Variants in ST3GAL2 observed in about 807,000 individuals in gnomAD.
ST3GAL2 encodes the protein ST3 beta-galactoside alpha-2,3-sialyltransferase 2.
ST3GAL2 carries 16 observed loss-of-function variants against 37.5 expected under a neutral mutation model. The observed-to-expected ratio is 0.43, with a 90% CI of 0.29 to 0.65. The LOEUF (loss-of-function observed/expected upper bound fraction) is 0.65. Ranked by LOEUF, ST3GAL2 falls within the 30% of genes least tolerant of loss-of-function variation. ST3GAL2 has a pLI of 0.17. For synonymous variants in ST3GAL2, 238 were observed against 202.9 expected (o/e 1.17, Z -1.47); for missense variants, 383 against 487.8 (o/e 0.79, Z 2.02).
intron 1 of ST3GAL2, among the ~76,000 whole-genome samples, chr16:70,405,875 A>G (rs2047588690): frequency 6.6e-6 from 1 of 151,840 alleles, no homozygotes; most frequent in Non-Finnish European, 1.5e-5. Flanking sequence ...CCTGGCTAAC[A>G]TGGTGAAACC....
intron 1 of ST3GAL2, among the ~76,000 whole-genome samples, chr16:70,436,458 G>GAAAA (rs58205790): frequency 2.7e-5 from 3 of 112,368 alleles, no homozygotes; most frequent in African/African-American, 7.0e-5. Context: ...CTCAAAAAAA[G>GAAAA]AAAAAAAAAA....
intron 1 of ST3GAL2, chr16:70,400,781 G>A (rs951090501): frequency 2.0e-5 from 3 of 152,276 alleles, no homozygotes; most frequent in Admixed American, 6.5e-5. Flanking sequence ...AACTACCCAC[G>A]GCTCAAGGGT....
intron 6 of ST3GAL2, 129 bp from the exon 7 acceptor site, chr16:70,381,991 C>G (rs2047409433): frequency 8.4e-7 from 1 of 1,190,408 alleles, no homozygotes. Flanking sequence ...CAGGCCTGGC[C>G]TAAGGACATG....
chr16:70,384,034 C>T (rs1170132289), intron 4 of ST3GAL2, among the ~76,000 whole-genome samples: 2 of 152,048 alleles, frequency 1.3e-5, no homozygotes, highest in Admixed American at 6.6e-5. Flanking sequence ...CCAGCCACGG[C>T]CCCCGTAACC....
At chr16:70,435,112 C>A (rs1597579706) in intron 1 of ST3GAL2, among the ~76,000 whole-genome samples, 1 of 152,276 alleles carries the variant, frequency 6.6e-6, no homozygotes, top group South Asian at 2.1e-4. Flanking sequence ...ACACAGCCAC[C>A]CTTTTCCAAA....
chr16:70,383,282 G>A (rs1240225765), intron 4 of ST3GAL2, 47 bp from the exon 5 acceptor site: 2 of 1,568,500 alleles, frequency 1.3e-6, no homozygotes, highest in Admixed American at 3.8e-5. Flanking sequence ...TGGGCACGGT[G>A]GCTCACACCT....
intron 1 of ST3GAL2, among the ~76,000 whole-genome samples, chr16:70,406,308 G>C (rs1469454209): frequency 6.6e-6 from 1 of 151,362 alleles, no homozygotes; most frequent in Non-Finnish European, 1.5e-5. Flanking sequence ...AGCTGTGGGT[G>C]GTGGCAGGGC....
At chr16:70,385,720 T>A (rs1208793621) in intron 4 of ST3GAL2, among the ~76,000 whole-genome samples, 1 of 148,446 alleles carries the variant, frequency 6.7e-6, no homozygotes, top group Admixed American at 6.7e-5. Flanking sequence ...TTTTTTTTTT[T>A]TGAGGCAGAG....
At chr16:70,417,880 A>G (rs1335523355) in intron 1 of ST3GAL2, among the ~76,000 whole-genome samples, 2 of 152,114 alleles carry the variant, frequency 1.3e-5, no homozygotes, top group African/African-American at 4.8e-5. Flanking sequence ...CCAGGGGGCC[A>G]TTAAACTGGA....
At chr16:70,399,656 A>T (rs1377957340) in intron 1 of ST3GAL2, 123 bp from the exon 2 acceptor site, 3 of 387,044 alleles carry the variant, frequency 7.8e-6, no homozygotes, top group Non-Finnish European at 1.4e-5. Context: ...CAGAGGGTGG[A>T]CATGACCAAG....
At position 70,395,158 on chromosome 16, in the gene ST3GAL2, G is replaced by C. The variant is rs2047507088; in HGVS notation, c.357C>G (p.Phe119Leu). 6.2e-7 allele frequency: 1 copy of C among 1,603,946 alleles called. No homozygotes were observed. The highest frequency in any genetic ancestry group is 8.5e-7 in the Non-Finnish European group (1 of 1,174,414). Reference sequence around the variant, plus strand: ...GCACCTCATTGGTGTTGTGTGACTTGAACTGGGGCTGCAGCATCTGTGGAA... The same window carrying C: ...GCACCTCATTGGTGTTGTGTGACTTCAACTGGGGCTGCAGCATCTGTGGAA... ...QRWWMMLQPQ[F>L]KSHNTNEVLE... Residue 119 changes from phenylalanine (F) to leucine (L), a missense_variant, in exon 3 of 7, where the codon TTC becomes TTG. Physicochemically the swap from Phe to Leu is conservative, Grantham distance 22 (BLOSUM62 0). This residue lies in a region of ST3GAL2 where 223 missense variants were observed against 239.1 expected (regional missense o/e 0.93). Coordinates refer to ENST00000342907, the MANE Select transcript of ST3GAL2 (RefSeq NM_006927.4).
chr16:70,383,470 G>C (rs1029938399), intron 4 of ST3GAL2, among the ~76,000 whole-genome samples: 1 of 150,902 alleles, frequency 6.6e-6, no homozygotes, highest in African/African-American at 2.4e-5. Flanking sequence ...TGTTATCCCA[G>C]CTACTTGGGA....
chr16:70,429,743 G>C (rs1188441564), intron 1 of ST3GAL2, among the ~76,000 whole-genome samples: 2 of 146,794 alleles, frequency 1.4e-5, no homozygotes, highest in African/African-American at 5.1e-5. Flanking sequence ...CCAGGTTCAA[G>C]TGATTCTCCT....
chr16:70,386,126 T>C (rs932924030), intron 4 of ST3GAL2, among the ~76,000 whole-genome samples: 1 of 152,140 alleles, frequency 6.6e-6, no homozygotes, highest in Non-Finnish European at 1.5e-5. Flanking sequence ...GTTCGAGCGA[T>C]TCTCCTGCCT....
chr16:70,407,809 G>C (rs573419870), intron 1 of ST3GAL2, among the ~76,000 whole-genome samples: 46 of 152,296 alleles, frequency 3.0e-4, no homozygotes, highest in Admixed American at 1.2e-3. Context: ...GCCAATTCTC[G>C]GTCAGATCCC....
intron 1 of ST3GAL2, among the ~76,000 whole-genome samples, chr16:70,429,053 G>C (rs371912630): frequency 6.6e-6 from 1 of 152,226 alleles, no homozygotes; most frequent in East Asian, 1.9e-4. Flanking sequence ...AGTTGGAAGT[G>C]GGGGTGAGGA....
intron 1 of ST3GAL2, among the ~76,000 whole-genome samples, chr16:70,411,359 G>A (rs1597569256): frequency 6.6e-6 from 1 of 151,458 alleles, no homozygotes; most frequent in South Asian, 2.1e-4. Context: ...CTTCCAGCCT[G>A]GATGACAGTG....
chr16:70,382,932 G>A lies in ST3GAL2; in HGVS notation c.760-8C>T, dbSNP rs752306876. 212 of 1,612,208 alleles carry A rather than the reference G, an allele frequency of 1.3e-4. 1 individual carries two copies. Among genetic ancestry groups the A allele is most frequent in the Non-Finnish European group, 1.7e-4 (203 of 1,179,170 alleles). On this transcript the variant is annotated splice_polypyrimidine_tract_variant and splice_region_variant and intron_variant, in intron 5 of 6. Coordinates refer to ENST00000342907, the MANE Select transcript of ST3GAL2 (RefSeq NM_006927.4). ...TGGGTTGTAGATCTGGACCTGGGAG[G>A]AGAAGGGATGACAGGTATATGAGGG...
intron 1 of ST3GAL2, among the ~76,000 whole-genome samples, chr16:70,431,094 C>A (rs1016196065): frequency 4.0e-4 from 11 of 27,422 alleles, no homozygotes; most frequent in Admixed American, 3.8e-3. Flanking sequence ...AAGGAGGGGG[C>A]GTGGGGGAGG....
Sources: allele counts gnomAD v4.1 joint callset (sites outside exome capture counted in the v4.1 genomes callset), GRCh38; gene constraint gnomAD v4.1.1; regional missense constraint gnomAD v4.1.1; transcripts MANE v1.5; gene names NCBI Gene and HGNC (gene_info 2026-07-23, HGNC 2026-07-21).